MAP4K3: variants seen among roughly 807,000 people sequenced by gnomAD.
The protein encoded by MAP4K3 is MAPK/ERK kinase kinase kinase 3.
Under a neutral mutation model 143.5 loss-of-function variants are expected in MAP4K3, and 94 were observed. The ratio of observed to expected loss-of-function variants is 0.65; its 90% CI spans 0.55 to 0.78. MAP4K3 has a LOEUF of 0.78. Among genes scored for constraint, MAP4K3 ranks in the 30% least tolerant of loss-of-function variants. MAP4K3 has a pLI of 0.00. For synonymous variants in MAP4K3, 416 were observed against 347.2 expected (o/e 1.20, Z -2.20); for missense variants, 1,077 against 1,068.1 (o/e 1.01, Z -0.12).
At chr2:39,355,633 C>G (rs1665590557) in intron 3 of MAP4K3, among the ~76,000 whole-genome samples, 2 of 152,126 alleles carry the variant, frequency 1.3e-5, no homozygotes, top group Admixed American at 6.5e-5. Context: ...CAACTCACAG[C>G]TGCATGTAGA....
chr2:39,278,013 G>T (rs1681343685), intron 24 of MAP4K3, among the ~76,000 whole-genome samples: 1 of 150,562 alleles, frequency 6.6e-6, no homozygotes, highest in Non-Finnish European at 1.5e-5. Context: ...CAGGCATGGT[G>T]GCTCATGTCT....
At chr2:39,383,788 T>C (rs1014952717) in intron 1 of MAP4K3, among the ~76,000 whole-genome samples, 5 of 149,462 alleles carry the variant, frequency 3.3e-5, no homozygotes, top group African/African-American at 1.3e-4. Context: ...AGCAAACATG[T>C]CTATTTTTGT....
chr2:39,273,336 A>G (rs1389701593), intron 24 of MAP4K3, among the ~76,000 whole-genome samples: 1 of 152,198 alleles, frequency 6.6e-6, no homozygotes, highest in Non-Finnish European at 1.5e-5. Flanking sequence ...TGAAGCAAGA[A>G]GTTCTGAAGG....
At chr2:39,257,691 C>T (rs1270676719) in intron 31 of MAP4K3, among the ~76,000 whole-genome samples, 3 of 148,808 alleles carry the variant, frequency 2.0e-5, no homozygotes, top group Non-Finnish European at 4.4e-5. Flanking sequence ...CCCAGCTACT[C>T]GGGAGACTGA....
At chr2:39,281,813 T>C (rs1681542517) in intron 22 of MAP4K3, among the ~76,000 whole-genome samples, 1 of 150,438 alleles carries the variant, frequency 6.6e-6, no homozygotes, top group Non-Finnish European at 1.5e-5. Context: ...AATTTAAGTA[T>C]TATATAAATT....
rs532880002 is a variant in MAP4K3, at chr2:39,399,496, C to T, written c.97-21373G>A. Among the ~76,000 whole-genome samples, 147 of 152,330 alleles carry T rather than the reference C, an allele frequency of 9.7e-4. 1 individual carries two copies. Among genetic ancestry groups the T allele is most frequent in the African/African-American group, 3.3e-3 (136 of 41,574 alleles). On this transcript the variant is annotated intron_variant, in intron 1 of 33. Coordinates refer to ENST00000263881, the MANE Select transcript of MAP4K3 (RefSeq NM_003618.4). ...CACATGGGAACCATCTCATTTCCAT[C>T]TTTGAGGTGACCTGGAGTTTTGTTC...
At chr2:39,389,039 A>G (rs1666583132) in intron 1 of MAP4K3, among the ~76,000 whole-genome samples, 2 of 152,242 alleles carry the variant, frequency 1.3e-5, no homozygotes, top group African/African-American at 4.8e-5. Flanking sequence ...CATTACAATC[A>G]AGTACGCTTT....
Position 39,436,068 on chromosome 2 carries a change from T to G in MAP4K3, c.96+824A>C, listed in dbSNP as rs143091094. Reference sequence around the variant, plus strand: ...AACTAAATCAAGACTGCTGCCACATTTGGCAACAACCTCCTCTCTTCTTGG... The same window carrying G: ...AACTAAATCAAGACTGCTGCCACATGTGGCAACAACCTCCTCTCTTCTTGG... On this transcript the variant is annotated intron_variant, in intron 1 of 33. Transcript: ENST00000263881. Among the ~76,000 whole-genome samples, 37 of 152,280 alleles carry G rather than the reference T, an allele frequency of 2.4e-4. No homozygotes were observed. The East Asian group carries it at 7.1e-3, about 29-fold the overall frequency.
At chr2:39,413,253 G>A (rs1296585861) in intron 1 of MAP4K3, among the ~76,000 whole-genome samples, 1 of 152,196 alleles carries the variant, frequency 6.6e-6, no homozygotes, top group African/African-American at 2.4e-5. Flanking sequence ...AGAAACTGAA[G>A]AGGATTTAAG....
intron 21 of MAP4K3, among the ~76,000 whole-genome samples, chr2:39,282,945 C>T (rs906096272): frequency 2.6e-5 from 4 of 152,158 alleles, no homozygotes. Flanking sequence ...GGACAGTAAT[C>T]CATATCGGTC....
At chr2:39,315,409 T>C (rs1307487203) in intron 12 of MAP4K3, 21 bp from the exon 13 acceptor site, 2 of 1,483,350 alleles carry the variant, frequency 1.3e-6, no homozygotes, top group East Asian at 4.5e-5. Context: ...ACAAAATCAA[T>C]GATATGCAGC....
At chr2:39,369,193 G>GTTTTTTTGTTTTTTTTTTTTT (rs747293878) in intron 2 of MAP4K3, among the ~76,000 whole-genome samples, 1 of 37,976 alleles carries the variant, frequency 2.6e-5, no homozygotes, top group Non-Finnish European at 7.1e-5. Flanking sequence ...CTTTGGGCTA[G>GTTTTTTTGTTTTTTTTTTTTT]TTTTTTTTTT....
At chr2:39,410,630 T>G (rs770491862) in intron 1 of MAP4K3, among the ~76,000 whole-genome samples, 1 of 152,172 alleles carries the variant, frequency 6.6e-6, no homozygotes, top group Non-Finnish European at 1.5e-5. Flanking sequence ...TTATTTATCA[T>G]GAAAATAATA....
At chr2:39,428,581 C>T (rs773885629) in intron 1 of MAP4K3, among the ~76,000 whole-genome samples, 1 of 151,624 alleles carries the variant, frequency 6.6e-6, no homozygotes, top group Non-Finnish European at 1.5e-5. Context: ...GAGGCTGAGG[C>T]AGGAGAAGTG....
intron 1 of MAP4K3, among the ~76,000 whole-genome samples, chr2:39,416,209 C>A (rs1474811358): frequency 6.6e-6 from 1 of 151,148 alleles, no homozygotes; most frequent in Non-Finnish European, 1.5e-5. Flanking sequence ...TGTTTGAAAA[C>A]AAAACTTCAG....
At chr2:39,310,346 G>C (rs1297598817) in intron 13 of MAP4K3, among the ~76,000 whole-genome samples, 1 of 152,186 alleles carries the variant, frequency 6.6e-6, no homozygotes, top group East Asian at 1.9e-4. Flanking sequence ...GAGGACATGA[G>C]ACATTTGTCT....
chr2:39,360,128 T>C (rs557556574), intron 2 of MAP4K3, among the ~76,000 whole-genome samples: 55 of 152,374 alleles, frequency 3.6e-4, no homozygotes, highest in Non-Finnish European at 6.6e-4. Flanking sequence ...TCTTGAACGC[T>C]TGGCTCCTTA....
At chr2:39,283,899 T>A (rs2148469151) in intron 21 of MAP4K3, 1 of 152,280 alleles carries the variant, frequency 6.6e-6, no homozygotes, top group Non-Finnish European at 1.5e-5. Context: ...CTGCCATACA[T>A]CAGAATCACT....
At chr2:39,281,666 C>A (rs1293239128) in intron 22 of MAP4K3, among the ~76,000 whole-genome samples, 1 of 151,990 alleles carries the variant, frequency 6.6e-6, no homozygotes, top group African/African-American at 2.4e-5. Flanking sequence ...AAACTGCAAG[C>A]CTGAGGTAAG....
Sources: allele counts gnomAD v4.1 joint callset (sites outside exome capture counted in the v4.1 genomes callset), GRCh38; gene constraint gnomAD v4.1.1; transcripts MANE v1.5; gene names NCBI Gene and HGNC (gene_info 2026-07-23, HGNC 2026-07-21).